Variants in ITGA9 observed in about 807,000 individuals in gnomAD.
ITGA9 encodes integrin alpha-9.
A neutral mutation model predicts 127.8 loss-of-function variants in ITGA9; 56 were observed. That is an observed-to-expected ratio of 0.44 (90% CI 0.35 to 0.55). The LOEUF (loss-of-function observed/expected upper bound fraction) is 0.55. Among genes scored for constraint, ITGA9 ranks in the 20% least tolerant of loss-of-function variants. ITGA9 has a pLI of 0.00. For missense variants in ITGA9, 1,196 were observed against 1,347.1 expected (o/e 0.89, Z 1.76); for synonymous variants, 508 against 514.5 (o/e 0.99, Z 0.17).
intron 18 of ITGA9, among the ~76,000 whole-genome samples, chr3:37,702,608 C>T (rs867073941): frequency 2.8e-4 from 43 of 152,176 alleles, no homozygotes; most frequent in African/African-American, 9.9e-4. Context: ...GAGGTGGCTG[C>T]TCTCTGGGGT....
intron 15 of ITGA9, among the ~76,000 whole-genome samples, chr3:37,592,367 A>T (rs1488488844): frequency 6.6e-6 from 1 of 152,022 alleles, no homozygotes; most frequent in Non-Finnish European, 1.5e-5. Context: ...GTTGCTTTCC[A>T]TTGCTGCTGC....
chr3:37,726,489 G>T (rs1428480039), intron 18 of ITGA9, among the ~76,000 whole-genome samples: 1 of 152,200 alleles, frequency 6.6e-6, no homozygotes, highest in African/African-American at 2.4e-5. Context: ...TCAAATGCTT[G>T]TATGATTGGG....
At chr3:37,454,780 C>T (rs182040206) in intron 1 of ITGA9, among the ~76,000 whole-genome samples, 2 of 152,116 alleles carry the variant, frequency 1.3e-5, no homozygotes, top group East Asian at 3.9e-4. Context: ...AAGTATTTTC[C>T]TCCCCATCCT....
In ITGA9 at chr3:37,614,146, G is replaced by A. The variant is rs548288038; in HGVS notation, c.1690-15041G>A. Among the ~76,000 whole-genome samples, 11 of 152,020 alleles carry A rather than the reference G, an allele frequency of 7.2e-5. No individual in the cohort carries two copies. In the South Asian group the frequency reaches 2.3e-3, roughly 32 times the overall value. ...CATCTTGAATTAATTTTTGTATAAG[G>A]TGTAAGGAAGGGATCCAGTTTCAGC... On this transcript the variant is annotated intron_variant, in intron 15 of 27. Transcript: ENST00000264741.
chr3:37,506,172 T>C (rs1698842060), intron 7 of ITGA9, 87 bp downstream of exon 7: 2 of 977,472 alleles, frequency 2.0e-6, no homozygotes, highest in Admixed American at 4.0e-5. Flanking sequence ...CAGCTGACAT[T>C]GACCTGAACA....
rs141712492 is a variant in ITGA9 at position 37,533,066 on chromosome 3, C to T, written c.1374-248C>T. Among the ~76,000 whole-genome samples, 341 of 152,280 alleles carry T rather than the reference C, an allele frequency of 2.2e-3. 1 individual carries two copies. Among genetic ancestry groups the T allele is most frequent in the African/African-American group, 7.7e-3 (320 of 41,554 alleles). On this transcript the variant is annotated intron_variant, in intron 13 of 27. Coordinates refer to ENST00000264741, the MANE Select transcript of ITGA9 (RefSeq NM_002207.3). ...GTTCATTTATGGCTTCAACCAGATG[C>T]GTTTTATTAACAACAAACTTGCTTT... is the stretch of plus-strand genomic sequence containing the variant.
At chr3:37,556,050 T>C (rs887688366) in intron 15 of ITGA9, among the ~76,000 whole-genome samples, 1 of 152,272 alleles carries the variant, frequency 6.6e-6, no homozygotes, top group Non-Finnish European at 1.5e-5. Context: ...ATGCTCTTGC[T>C]AGTGCTGGGT....
At chr3:37,730,597 TG>T (rs1696278918) in intron 18 of ITGA9, among the ~76,000 whole-genome samples, 1 of 152,218 alleles carries the variant, frequency 6.6e-6, no homozygotes, top group African/African-American at 2.4e-5. Context: ...TTCTGAACTC[TG>T]AGCTCTACGA....
At chr3:37,694,765 G>A (rs947680691) in intron 18 of ITGA9, among the ~76,000 whole-genome samples, 1 of 152,156 alleles carries the variant, frequency 6.6e-6, no homozygotes, top group South Asian at 2.1e-4. Context: ...AGGGGAAAGG[G>A]GGGAGTCTTG....
chr3:37,792,175 T>G (rs1215952871), intron 26 of ITGA9, among the ~76,000 whole-genome samples: 1 of 152,182 alleles, frequency 6.6e-6, no homozygotes, highest in East Asian at 1.9e-4. Context: ...TCGGTATAGT[T>G]TTCCAAACAC....
chr3:37,611,949 T>C (rs1700020697), intron 15 of ITGA9, among the ~76,000 whole-genome samples: 1 of 152,130 alleles, frequency 6.6e-6, no homozygotes. Flanking sequence ...GCAGCTTTGC[T>C]CTGCCTTGGC....
intron 1 of ITGA9, among the ~76,000 whole-genome samples, chr3:37,454,335 A>G (rs1481561588): frequency 6.6e-6 from 1 of 152,232 alleles, no homozygotes; most frequent in East Asian, 1.9e-4. Flanking sequence ...TCTGACAGAG[A>G]AAAGGTGTTC....
chr3:37,819,624 T>C lies in ITGA9; in HGVS notation c.*635T>C, dbSNP rs1343952419. Reference sequence around the variant, plus strand: ...CGCCTCGATCAAGTGTGGAGTCACATGCTAATGTGTGCTAAAGAACTGTAA... The same window carrying C: ...CGCCTCGATCAAGTGTGGAGTCACACGCTAATGTGTGCTAAAGAACTGTAA... On this transcript the variant is annotated 3_prime_UTR_variant, in exon 28 of 28. Transcript: ENST00000264741. The C allele has an allele frequency of 1.3e-5, 2 of 153,152 alleles. No individual in the cohort carries two copies. The highest frequency in any genetic ancestry group is 2.9e-5 in the Non-Finnish European group (2 of 68,762). 9.5% of individuals were successfully genotyped at this position (153,152 alleles called of 1,614,324 possible). A position where few individuals can be genotyped will look rare whatever the true frequency, so the allele number is the denominator to read the frequency against.
intron 18 of ITGA9, among the ~76,000 whole-genome samples, chr3:37,687,589 G>A (rs1700793882): frequency 6.6e-6 from 1 of 152,126 alleles, no homozygotes; most frequent in Non-Finnish European, 1.5e-5. Context: ...TTAATTTTAA[G>A]GATATGAAAA....
rs574950595 is a variant in ITGA9 at position 37,719,902 on chromosome 3, C to T, written c.2068-12810C>T. Among the ~76,000 whole-genome samples, 25 of 152,296 alleles carry T rather than the reference C, an allele frequency of 1.6e-4. No homozygotes were observed. In the South Asian group the frequency reaches 5.2e-3, roughly 32 times the overall value. ...AGTTCCAGAAAAGTGTATACTCACACAGGAAATATCTCTCAAATAACATGG... is the reference window on the plus strand; with the variant it reads ...AGTTCCAGAAAAGTGTATACTCACATAGGAAATATCTCTCAAATAACATGG... On this transcript the variant is annotated intron_variant, in intron 18 of 27. Coordinates refer to ENST00000264741, the MANE Select transcript of ITGA9 (RefSeq NM_002207.3).
intron 1 of ITGA9, among the ~76,000 whole-genome samples, chr3:37,464,426 C>G (rs1450558737): frequency 2.6e-5 from 4 of 152,086 alleles, no homozygotes; most frequent in African/African-American, 9.7e-5. Flanking sequence ...GCCCAGCAGT[C>G]TAACATTTCT....
intron 3 of ITGA9, among the ~76,000 whole-genome samples, chr3:37,477,293 G>A (rs1218929936): frequency 6.6e-6 from 1 of 152,192 alleles, no homozygotes; most frequent in Non-Finnish European, 1.5e-5. Flanking sequence ...GTTTGAAGAG[G>A]GAGAGGTGGG....
chr3:37,676,434 G>A (rs1700683172), intron 17 of ITGA9, among the ~76,000 whole-genome samples: 1 of 152,148 alleles, frequency 6.6e-6, no homozygotes, highest in Admixed American at 6.5e-5. Context: ...GGGAGCTGGG[G>A]TAATTATACA....
chr3:37,586,176 G>A (rs1227317542), intron 15 of ITGA9, among the ~76,000 whole-genome samples: 1 of 152,174 alleles, frequency 6.6e-6, no homozygotes, highest in African/African-American at 2.4e-5. Flanking sequence ...GAAAAGAAAG[G>A]TACCAGCAGA....
Sources: gnomAD v4.1 joint callset for allele counts (sites outside exome capture counted in the v4.1 genomes callset) on GRCh38, gnomAD v4.1.1 for gene constraint, MANE v1.5 for transcripts, NCBI Gene and HGNC (gene_info 2026-07-23, HGNC 2026-07-21) for gene names.